The following CROT variants were observed in gnomAD, a reference collection of about 807,000 sequenced individuals.
CROT encodes the protein carnitine O-octanoyltransferase.
In CROT, 84 loss-of-function variants were observed where a neutral mutation model predicts 89.2. The ratio of observed to expected loss-of-function variants is 0.94; its 90% CI spans 0.79 to 1.13. CROT has a LOEUF of 1.13. Among genes scored for constraint, CROT ranks in the 50% most tolerant of loss-of-function variants. CROT has a pLI of 0.00. For missense variants in CROT, 711 were observed against 727.8 expected (o/e 0.98, Z 0.27); for synonymous variants, 212 against 239.5 (o/e 0.89, Z 1.06).
intron 13 of CROT, among the ~76,000 whole-genome samples, chr7:87,389,291 A>G (rs920206836): frequency 6.6e-6 from 1 of 152,254 alleles, no homozygotes; most frequent in African/African-American, 2.4e-5. Flanking sequence ...CCAAAGGATT[A>G]TAAATCTTTC....
At chr7:87,352,964 C>T (rs886992115) in intron 3 of CROT, among the ~76,000 whole-genome samples, 1 of 152,144 alleles carries the variant, frequency 6.6e-6, no homozygotes, top group Non-Finnish European at 1.5e-5. Context: ...GGTCTAAAGA[C>T]AAGGCTTTGA....
intron 7 of CROT, among the ~76,000 whole-genome samples, chr7:87,373,663 G>A (rs955497000): frequency 2.0e-5 from 3 of 152,010 alleles, no homozygotes; most frequent in Non-Finnish European, 2.9e-5. Context: ...CAGAGATTGA[G>A]AGAAAAAATG....
intron 17 of CROT, chr7:87,398,263 C>A: frequency 1.6e-6 from 1 of 621,550 alleles, no homozygotes; most frequent in Admixed American, 2.1e-5. Flanking sequence ...CGCAGTAAGA[C>A]CTAGCTTCAG....
intron 6 of CROT, among the ~76,000 whole-genome samples, chr7:87,368,159 G>A (rs1427902572): frequency 6.6e-6 from 1 of 152,098 alleles, no homozygotes; most frequent in Non-Finnish European, 1.5e-5. Context: ...CTTTGTGCTT[G>A]CTGTTTCCTC....
intron 10 of CROT, among the ~76,000 whole-genome samples, chr7:87,378,346 C>CAAAAAA (rs33929613): frequency 7.5e-6 from 1 of 132,886 alleles, no homozygotes; most frequent in Non-Finnish European, 1.6e-5. Context: ...ACTCCGACTC[C>CAAAAAA]AAAAAAAAAA....
chr7:87,357,424 C>T, intron 3 of CROT: 3 of 1,535,878 alleles, frequency 2.0e-6, no homozygotes, highest in Non-Finnish European at 1.8e-6. Flanking sequence ...CCAAGACAGA[C>T]CCCATTTATC....
chr7:87,388,419 A>C (rs1312743062), intron 13 of CROT, among the ~76,000 whole-genome samples: 1 of 152,226 alleles, frequency 6.6e-6, no homozygotes, highest in Non-Finnish European at 1.5e-5. Flanking sequence ...TACTGGTACC[A>C]ACACAGATAT....
rs778236203 is a variant in CROT at position 87,382,511 on chromosome 7, A to G, written c.1269A>G (p.Ala423=). The change falls in exon 13 of 18, where the codon GCA becomes GCG. Residue 423 remains alanine (A), a synonymous_variant. Coordinates refer to ENST00000331536, the MANE Select transcript of CROT (RefSeq NM_021151.4). ...MLHPDTFIQL[A]LQLAYYRLHG... Reference sequence around the variant, plus strand: ...ACCCGGATACGTTTATTCAGCTTGCACTTCAGCTGGCCTATTACAGACTTC... The same window carrying G: ...ACCCGGATACGTTTATTCAGCTTGCGCTTCAGCTGGCCTATTACAGACTTC... The G allele has an allele frequency of 6.2e-7, 1 of 1,613,928 alleles. No homozygotes were observed. Among genetic ancestry groups the G allele is most frequent in the African/African-American group, 1.3e-5 (1 of 75,058 alleles).
At chr7:87,347,661 G>T (rs893001726) in intron 2 of CROT, among the ~76,000 whole-genome samples, 10 of 151,930 alleles carry the variant, frequency 6.6e-5, no homozygotes, top group African/African-American at 2.4e-4. Context: ...CCCTACAATA[G>T]AAAGCCCAAA....
intron 13 of CROT, among the ~76,000 whole-genome samples, chr7:87,387,562 C>T (rs1807221611): frequency 6.6e-6 from 1 of 151,804 alleles, no homozygotes; most frequent in Non-Finnish European, 1.5e-5. Flanking sequence ...AGAAGTCTTA[C>T]CAATAACATA....
rs112970005 is a variant in CROT, at chr7:87,355,214, C to T, written c.116-3992C>T. On this transcript the variant is annotated intron_variant, in intron 3 of 17. Coordinates refer to ENST00000331536, the MANE Select transcript of CROT (RefSeq NM_021151.4). Reference sequence around the variant, plus strand: ...GCCCAGGCTCAAGTGATCCTCCCACCTCAGCCTCCCAAGTAGCTGGGATTA... The same window carrying T: ...GCCCAGGCTCAAGTGATCCTCCCACTTCAGCCTCCCAAGTAGCTGGGATTA... Among the ~76,000 whole-genome samples, 1,112 of 152,124 alleles carry T rather than the reference C, an allele frequency of 7.3e-3. 13 individuals carry two copies. The highest frequency in any genetic ancestry group is 0.025 in the African/African-American group (1,043 of 41,472).
chr7:87,350,203 A>G (rs6954473), intron 3 of CROT, among the ~76,000 whole-genome samples: 90,787 of 151,996 alleles, frequency 0.6, 27,478 homozygotes, highest in East Asian at 0.68. Flanking sequence ...GCCAAAATAC[A>G]AGTTTCTAGA....
Position 87,378,095 on chromosome 7 carries a change from G to A in CROT, c.978+645G>A, listed in dbSNP as rs535116795. On this transcript the variant is annotated intron_variant, in intron 10 of 17. Transcript: ENST00000331536. ...ATGATGGCTGATACCTGTAATCCCA[G>A]CACTTTGGGAGGCCAAGGCAGGTGA... 6.6e-5 allele frequency among the ~76,000 whole-genome samples: 10 copies of A among 152,144 alleles called. No individual in the cohort carries two copies. The South Asian group carries it at 1.9e-3, about 28-fold the overall frequency.
intron 13 of CROT, among the ~76,000 whole-genome samples, chr7:87,383,538 CAGG>C (rs576738951): frequency 3.6e-3 from 540 of 149,996 alleles, no homozygotes; most frequent in African/African-American, 0.013. Flanking sequence ...CTCTGTCGCC[CAGG>C]TTGGAGTGCA....
chr7:87,391,784 A>C, intron 14 of CROT, 72 bp downstream of exon 14: 3 of 1,454,758 alleles, frequency 2.1e-6, no homozygotes. Context: ...TCTTTGAGTA[A>C]CTAACTTCTT....
chr7:87,374,370 T>G (rs1383666434), intron 7 of CROT, among the ~76,000 whole-genome samples: 2 of 152,046 alleles, frequency 1.3e-5, no homozygotes, highest in East Asian at 3.9e-4. Context: ...ATGACCACCT[T>G]GTAAAACGAA....
Position 87,387,390 on chromosome 7 carries a change from CT to C in CROT, c.1302-4193del, listed in dbSNP as rs1467688012. The stretch of plus-strand genomic sequence containing the variant: ...TTATTTTCTAGTTATCCCATCTGTA[CT>C]TTTTTCTTTTTCTTTTGAATTTTTA... On this transcript the variant is annotated intron_variant, in intron 13 of 17. Coordinates refer to ENST00000331536, the MANE Select transcript of CROT (RefSeq NM_021151.4). Among the ~76,000 whole-genome samples the C allele has an allele frequency of 9.9e-5, 15 of 151,180 alleles. No individual in the cohort carries two copies. In the East Asian group the frequency reaches 2.9e-3, roughly 29 times the overall value.
intron 3 of CROT, among the ~76,000 whole-genome samples, chr7:87,349,758 G>A (rs572993220): frequency 6.6e-6 from 1 of 152,158 alleles, no homozygotes; most frequent in South Asian, 2.1e-4. Context: ...TGTTACTCTG[G>A]CTCTCCTGAG....
chr7:87,365,868 G>A (rs1464284534), intron 6 of CROT, among the ~76,000 whole-genome samples: 1 of 152,084 alleles, frequency 6.6e-6, no homozygotes, highest in East Asian at 1.9e-4. Context: ...AGCCCCCAAA[G>A]TGTTGGGATT....
Sources: gnomAD v4.1 joint callset for allele counts (sites outside exome capture counted in the v4.1 genomes callset) on GRCh38, gnomAD v4.1.1 for gene constraint, MANE v1.5 for transcripts, NCBI Gene and HGNC (gene_info 2026-07-23, HGNC 2026-07-21) for gene names.